Variants in CERS6 observed in about 807,000 individuals in gnomAD.
The protein encoded by CERS6 is ceramide synthase 6, also known as LAG1 homolog, ceramide synthase 6.
A neutral mutation model predicts 56.8 loss-of-function variants in CERS6; 26 were observed. That is an observed-to-expected ratio of 0.46 (90% CI 0.34 to 0.63). CERS6 has a LOEUF of 0.63. Among genes scored for constraint, CERS6 ranks in the 30% least tolerant of loss-of-function variants. The pLI, the probability that CERS6 is intolerant of heterozygous loss-of-function variation, is 0.01. For missense variants in CERS6, 415 were observed against 467.5 expected (o/e 0.89, Z 1.04); for synonymous variants, 164 against 173.3 (o/e 0.95, Z 0.42).
At chr2:168,705,802 T>A (rs1389216581) in intron 6 of CERS6, among the ~76,000 whole-genome samples, 2 of 152,052 alleles carry the variant, frequency 1.3e-5, no homozygotes, top group African/African-American at 4.8e-5. Context: ...TTATTTGATA[T>A]CATAAAGGGT....
intron 1 of CERS6, among the ~76,000 whole-genome samples, chr2:168,502,028 C>G (rs957284564): frequency 6.6e-6 from 1 of 151,866 alleles, no homozygotes; most frequent in East Asian, 1.9e-4. Context: ...AAGTGGACCA[C>G]TGGGGAGTGA....
At chr2:168,661,211 A>T (rs535710927) in intron 4 of CERS6, among the ~76,000 whole-genome samples, 12 of 152,184 alleles carry the variant, frequency 7.9e-5, no homozygotes, top group Non-Finnish European at 1.6e-4. Context: ...TATCCTAAGA[A>T]TGAACATGTT....
At chr2:168,505,184 C>G (rs1694653536) in intron 1 of CERS6, among the ~76,000 whole-genome samples, 1 of 151,610 alleles carries the variant, frequency 6.6e-6, no homozygotes, top group Non-Finnish European at 1.5e-5. Context: ...GAGAGAGAAG[C>G]CTGGGCAACA....
chr2:168,572,515 A>G (rs1696008109), intron 3 of CERS6, among the ~76,000 whole-genome samples: 1 of 151,338 alleles, frequency 6.6e-6, no homozygotes, highest in Admixed American at 6.6e-5. Flanking sequence ...ATTCAGTAAT[A>G]ATATAATATT....
intron 3 of CERS6, among the ~76,000 whole-genome samples, chr2:168,583,325 A>G (rs1683464487): frequency 6.6e-6 from 1 of 152,074 alleles, no homozygotes; most frequent in Non-Finnish European, 1.5e-5. Flanking sequence ...AGTGATTGGG[A>G]AATGAGCTAA....
At chr2:168,508,295 C>T (rs1023461805) in intron 1 of CERS6, among the ~76,000 whole-genome samples, 4 of 152,142 alleles carry the variant, frequency 2.6e-5, no homozygotes, top group Non-Finnish European at 5.9e-5. Flanking sequence ...AATAGCAAAG[C>T]CTCCTAGGTT....
At chr2:168,712,034 A>C (rs1280372406) in intron 6 of CERS6, among the ~76,000 whole-genome samples, 1 of 152,180 alleles carries the variant, frequency 6.6e-6, no homozygotes, top group African/African-American at 2.4e-5. Flanking sequence ...TAGGTAAGTG[A>C]GGGTCCAGGA....
chr2:168,656,908 A>G (rs1040634760), intron 4 of CERS6, among the ~76,000 whole-genome samples: 6 of 152,122 alleles, frequency 3.9e-5, no homozygotes, highest in Non-Finnish European at 8.8e-5. Context: ...TCCCCATCAG[A>G]TTAGTTAGAT....
At chr2:168,495,235 G>A (rs1044097303) in intron 1 of CERS6, among the ~76,000 whole-genome samples, 4 of 152,176 alleles carry the variant, frequency 2.6e-5, no homozygotes, top group Admixed American at 6.5e-5. Context: ...TTGATAGAGC[G>A]ATGGAAGCGG....
chr2:168,553,892 G>A (rs1427534089), intron 2 of CERS6, among the ~76,000 whole-genome samples: 2 of 152,192 alleles, frequency 1.3e-5, no homozygotes, highest in Non-Finnish European at 2.9e-5. Context: ...TTCACTGATT[G>A]CATGATCTCT....
chr2:168,508,084 T>C (rs1694713591), intron 1 of CERS6, among the ~76,000 whole-genome samples: 1 of 152,234 alleles, frequency 6.6e-6, no homozygotes, highest in African/African-American at 2.4e-5. Flanking sequence ...TATTCTGTGA[T>C]TGATTCTGAT....
At chr2:168,623,776 G>GT (rs1684527769) in intron 3 of CERS6, among the ~76,000 whole-genome samples, 1 of 152,146 alleles carries the variant, frequency 6.6e-6, no homozygotes, top group Non-Finnish European at 1.5e-5. Context: ...AGGTATCTGA[G>GT]TTTTTTTCTG....
intron 2 of CERS6, among the ~76,000 whole-genome samples, chr2:168,558,682 A>G (rs892941122): frequency 6.6e-6 from 1 of 152,204 alleles, no homozygotes; most frequent in African/African-American, 2.4e-5. Context: ...ATCCTGGCTA[A>G]CACAGTGAAA....
intron 4 of CERS6, among the ~76,000 whole-genome samples, chr2:168,646,748 C>T (rs771467983): frequency 6.6e-6 from 1 of 152,140 alleles, no homozygotes; most frequent in African/African-American, 2.4e-5. Context: ...CTTCAGTCTT[C>T]TCTGCATATG....
intron 4 of CERS6, among the ~76,000 whole-genome samples, chr2:168,657,779 C>T (rs1004218997): frequency 1.2e-4 from 18 of 152,238 alleles, no homozygotes; most frequent in East Asian, 3.9e-4. Flanking sequence ...CCAGCTGGCC[C>T]GCAAGCGCCG....
chr2:168,674,133 A>G (rs1037519247), intron 4 of CERS6, among the ~76,000 whole-genome samples: 3 of 152,254 alleles, frequency 2.0e-5, no homozygotes, highest in Non-Finnish European at 4.4e-5. Flanking sequence ...CATGTGCAAG[A>G]AAAGTCAAGC....
chr2:168,545,131 A>C (rs1397079288), intron 1 of CERS6, among the ~76,000 whole-genome samples: 1 of 152,010 alleles, frequency 6.6e-6, no homozygotes, highest in Admixed American at 6.5e-5. Context: ...AAACACACAC[A>C]TGTATTTGTA....
chr2:168,563,882 T>G (rs770755770), intron 3 of CERS6, among the ~76,000 whole-genome samples: 1 of 151,836 alleles, frequency 6.6e-6, no homozygotes, highest in Non-Finnish European at 1.5e-5. Context: ...AACTGTAGGT[T>G]GGGGTGCACG....
intron 1 of CERS6, among the ~76,000 whole-genome samples, chr2:168,547,049 A>G (rs1384774511): frequency 6.6e-6 from 1 of 152,200 alleles, no homozygotes; most frequent in Admixed American, 6.5e-5. Flanking sequence ...ATTACTCTTT[A>G]TGAGAAACAA....
Sources: allele counts gnomAD v4.1 joint callset (sites outside exome capture counted in the v4.1 genomes callset), GRCh38; gene constraint gnomAD v4.1.1; transcripts MANE v1.5; gene names NCBI Gene and HGNC (gene_info 2026-07-23, HGNC 2026-07-21).